NWD2: variants seen among roughly 807,000 people sequenced by gnomAD.
NWD2 encodes NACHT and WD repeat domain-containing protein 2.
NWD2 carries 37 observed loss-of-function variants against 132.7 expected under a neutral mutation model. That is an observed-to-expected ratio of 0.28 (90% CI 0.21 to 0.37). NWD2 has a LOEUF of 0.37. NWD2 is among the 10% of genes least tolerant of loss of function. The pLI, the probability that NWD2 is intolerant of heterozygous loss-of-function variation, is 1.00. For missense variants in NWD2, 1,592 were observed against 2,122.4 expected, an observed-to-expected ratio of 0.75 and a Z score of 4.91; for synonymous variants, 705 against 803.0, an observed-to-expected ratio of 0.88 and a Z score of 2.06.
chr4:37,369,415 C>T (rs2109304929), intron 3 of NWD2, among the ~76,000 whole-genome samples: 1 of 152,210 alleles, frequency 6.6e-6, no homozygotes, highest in East Asian at 1.9e-4. Flanking sequence ...CCCTTCTCCC[C>T]CACTTCCCTG....
chr4:37,313,222 C>A (rs1278360373), intron 1 of NWD2, among the ~76,000 whole-genome samples: 3 of 151,026 alleles, frequency 2.0e-5, no homozygotes, highest in Non-Finnish European at 4.4e-5. Flanking sequence ...CCTCCTTGTA[C>A]CTCTGGTAGA....
chr4:37,307,021 CAA>C (rs749143872), intron 1 of NWD2, among the ~76,000 whole-genome samples: 124 of 104,090 alleles, frequency 1.2e-3, no homozygotes, highest in Middle Eastern at 5.7e-3. Context: ...GAGACTCCAT[CAA>C]AAAAAAAAAA....
At chr4:37,287,354 C>T (rs1366469788) in intron 1 of NWD2, among the ~76,000 whole-genome samples, 1 of 152,210 alleles carries the variant, frequency 6.6e-6, no homozygotes, top group East Asian at 1.9e-4. Flanking sequence ...CGGGGGGCAG[C>T]AGCCAGCACT....
chr4:37,332,334 G>A (rs1719311587), intron 2 of NWD2, among the ~76,000 whole-genome samples: 1 of 151,994 alleles, frequency 6.6e-6, no homozygotes, highest in Non-Finnish European at 1.5e-5. Context: ...TGGCAACTTG[G>A]ACACCAGCTC....
chr4:37,418,281 A>T (rs889351677), intron 3 of NWD2, among the ~76,000 whole-genome samples: 1 of 114,040 alleles, frequency 8.8e-6, no homozygotes, highest in Admixed American at 1.0e-4. Context: ...CTGAATAAAT[A>T]TCAATGAGTC....
chr4:37,303,758 C>A (rs1042863414), intron 1 of NWD2, among the ~76,000 whole-genome samples: 1 of 152,082 alleles, frequency 6.6e-6, no homozygotes, highest in Non-Finnish European at 1.5e-5. Flanking sequence ...AGAAACACTA[C>A]TGATTTTTAT....
chr4:37,368,193 C>T, intron 3 of NWD2, among the ~76,000 whole-genome samples: 1 of 152,096 alleles, frequency 6.6e-6, no homozygotes, highest in East Asian at 1.9e-4. Flanking sequence ...CATCTAATTT[C>T]CCTGGACTGA....
chr4:37,315,989 T>G (rs1006536870), intron 1 of NWD2, among the ~76,000 whole-genome samples: 6 of 152,074 alleles, frequency 3.9e-5, no homozygotes, highest in African/African-American at 1.4e-4. Context: ...TATTGTCATA[T>G]ATGTATTATG....
chr4:37,261,136 A>T (rs1717627579), intron 1 of NWD2, among the ~76,000 whole-genome samples: 1 of 152,200 alleles, frequency 6.6e-6, no homozygotes, highest in African/African-American at 2.4e-5. Context: ...ATTAACTAGG[A>T]CTAATTACCA....
At position 37,436,834 on chromosome 4, in the gene NWD2, A is replaced by G. The variant is rs550180133; in HGVS notation, c.707-1967A>G. Among the ~76,000 whole-genome samples the G allele has an allele frequency of 6.9e-4, 105 of 152,274 alleles. 1 individual carries two copies. The highest frequency in any genetic ancestry group is 2.1e-3 in the African/African-American group (88 of 41,548). The stretch of plus-strand genomic sequence containing the variant: ...ATCTTCCCTTATCTACATTATAACA[A>G]GTTCTTACTCTTCCTTAAAAAGAAT... On this transcript the variant is annotated intron_variant, in intron 5 of 6. Transcript: ENST00000309447.
Position 37,359,593 on chromosome 4 carries a change from C to G in NWD2, c.357+3111C>G, listed in dbSNP as rs114589641. 8.8e-3 allele frequency among the ~76,000 whole-genome samples: 1,230 copies of G among 139,000 alleles called. 23 individuals are homozygous for G. Among genetic ancestry groups the G allele is most frequent in the African/African-American group, 0.029 (1,177 of 40,102 alleles). The allele number at this position is 139,000 out of a possible 152,430, so 91.2% of individuals were successfully genotyped here. A position where few individuals can be genotyped will look rare whatever the true frequency, so the allele number is the denominator to read the frequency against. On this transcript the variant is annotated intron_variant, in intron 3 of 6. Coordinates refer to ENST00000309447, the MANE Select transcript of NWD2 (RefSeq NM_001144990.2). ...TCTTTGGCAAGGAAATTCACCACTG[C>G]TGAATGAAAAAAAAAAAAGTTTTTA...
chr4:37,362,669 T>C (rs893734154), intron 3 of NWD2, among the ~76,000 whole-genome samples: 1 of 152,166 alleles, frequency 6.6e-6, no homozygotes, highest in Non-Finnish European at 1.5e-5. Context: ...AAAATTAAGA[T>C]GGATTAAAGG....
chr4:37,382,865 A>AT (rs1400610917), intron 3 of NWD2, among the ~76,000 whole-genome samples: 21 of 150,826 alleles, frequency 1.4e-4, no homozygotes, highest in East Asian at 2.0e-4. Context: ...TAATTTTTGG[A>AT]TTTTTTTTAG....
intron 6 of NWD2, among the ~76,000 whole-genome samples, chr4:37,440,522 T>C (rs2109329858): frequency 6.6e-6 from 1 of 152,196 alleles, no homozygotes; most frequent in African/African-American, 2.4e-5. Flanking sequence ...GGGCATTCTA[T>C]AGGTGGTCCA....
chr4:37,283,398 C>T (rs1718167284), intron 1 of NWD2, among the ~76,000 whole-genome samples: 1 of 152,098 alleles, frequency 6.6e-6, no homozygotes, highest in Admixed American at 6.6e-5. Context: ...TTCAGTATGT[C>T]TGTATATGTT....
chr4:37,419,467 T>A (rs765346105), intron 3 of NWD2, among the ~76,000 whole-genome samples: 31 of 152,132 alleles, frequency 2.0e-4, no homozygotes, highest in Admixed American at 9.2e-4. Context: ...ACAGACAACC[T>A]ACAGGATGGG....
intron 3 of NWD2, among the ~76,000 whole-genome samples, chr4:37,380,006 G>A (rs74358285): frequency 0.039 from 5,897 of 152,284 alleles, 126 homozygotes; most frequent in East Asian, 0.086. Context: ...ACTTGGCTCC[G>A]CCACTTGTTC....
chr4:37,360,346 T>TA (rs1052221337), intron 3 of NWD2, among the ~76,000 whole-genome samples: 1 of 152,172 alleles, frequency 6.6e-6, no homozygotes, highest in Non-Finnish European at 1.5e-5. Context: ...TTTTTCCCCT[T>TA]AAAAATGCTG....
chr4:37,330,031 A>G (rs1335117251), intron 2 of NWD2, among the ~76,000 whole-genome samples: 1 of 152,228 alleles, frequency 6.6e-6, no homozygotes, highest in African/African-American at 2.4e-5. Context: ...AATTAAATTA[A>G]TAGAATATGA....
Sources: allele counts gnomAD v4.1 joint callset (sites outside exome capture counted in the v4.1 genomes callset), GRCh38; gene constraint gnomAD v4.1.1; transcripts MANE v1.5; gene names NCBI Gene and HGNC (gene_info 2026-07-23, HGNC 2026-07-21).